Variants in ROBO2 observed in about 807,000 individuals in gnomAD.
The protein encoded by ROBO2 is roundabout homolog 2.
Under a neutral mutation model 160.8 loss-of-function variants are expected in ROBO2, and 53 were observed. The ratio of observed to expected loss-of-function variants is 0.33; its 90% confidence interval spans 0.26 to 0.41. The LOEUF (loss-of-function observed/expected upper bound fraction) is 0.41. Among genes scored for constraint, ROBO2 ranks in the 10% least tolerant of loss-of-function variants. The pLI, the probability that ROBO2 is intolerant of heterozygous loss-of-function variation, is 1.00. For synonymous variants in ROBO2, 664 were observed against 611.7 expected, an observed-to-expected ratio of 1.09 and a Z score of -1.26; for missense variants, 1,577 against 1,722.4, an observed-to-expected ratio of 0.92 and a Z score of 1.49.
chr3:76,223,961 C>T (rs932151916), intron 2 of ROBO2, among the ~76,000 whole-genome samples: 2 of 152,144 alleles, frequency 1.3e-5, no homozygotes, highest in Admixed American at 6.6e-5. Flanking sequence ...AAATATTTTG[C>T]ATATCTCTAA....
intron 2 of ROBO2, among the ~76,000 whole-genome samples, chr3:75,988,215 A>G (rs1168460625): frequency 6.6e-6 from 1 of 152,096 alleles, no homozygotes; most frequent in Non-Finnish European, 1.5e-5. Context: ...CTAACTAATT[A>G]TAGATCTATT....
intron 2 of ROBO2, among the ~76,000 whole-genome samples, chr3:77,351,611 T>A (rs1054344578): frequency 6.6e-6 from 1 of 152,010 alleles, no homozygotes; most frequent in Non-Finnish European, 1.5e-5. Flanking sequence ...AGTGGCAGAG[T>A]CATCTACGTT....
At chr3:76,380,252 G>C (rs966594295) in intron 2 of ROBO2, among the ~76,000 whole-genome samples, 1 of 152,016 alleles carries the variant, frequency 6.6e-6, no homozygotes, top group Non-Finnish European at 1.5e-5. Context: ...CTTGGCTATA[G>C]AAAGATTTGG....
At chr3:77,494,280 T>TA (rs942523865) in intron 5 of ROBO2, among the ~76,000 whole-genome samples, 4 of 152,232 alleles carry the variant, frequency 2.6e-5, no homozygotes, top group Admixed American at 1.3e-4. Context: ...TTCTTTTTTT[T>TA]AAAAAAAATT....
At chr3:76,112,685 A>G (rs1228532449) in intron 2 of ROBO2, among the ~76,000 whole-genome samples, 3 of 143,208 alleles carry the variant, frequency 2.1e-5, no homozygotes, top group Admixed American at 7.1e-5. Context: ...AATTCAAATC[A>G]GATTATTCTT....
At chr3:76,144,821 T>C (rs550091193) in intron 2 of ROBO2, among the ~76,000 whole-genome samples, 1 of 152,100 alleles carries the variant, frequency 6.6e-6, no homozygotes, top group East Asian at 1.9e-4. Context: ...TACATTTTCC[T>C]GAAAAGAGTT....
At chr3:76,279,040 G>T (rs796901191) in intron 2 of ROBO2, among the ~76,000 whole-genome samples, 2 of 151,650 alleles carry the variant, frequency 1.3e-5, no homozygotes, top group Non-Finnish European at 2.9e-5. Context: ...TAGTGTTATT[G>T]CAGCAAACAT....
intron 2 of ROBO2, among the ~76,000 whole-genome samples, chr3:77,364,507 G>A (rs1041082761): frequency 3.9e-5 from 6 of 152,044 alleles, no homozygotes; most frequent in South Asian, 4.2e-4. Flanking sequence ...CAACTGTAAC[G>A]GAAAGAGTCA....
chr3:76,044,277 T>C (rs750527235), intron 2 of ROBO2, among the ~76,000 whole-genome samples: 3 of 152,066 alleles, frequency 2.0e-5, no homozygotes, highest in Admixed American at 6.5e-5. Context: ...CATTCTTCCC[T>C]CAAACATCTG....
chr3:76,006,791 AT>A (rs769556847), intron 2 of ROBO2, among the ~76,000 whole-genome samples: 54 of 152,200 alleles, frequency 3.5e-4, no homozygotes, highest in Non-Finnish European at 6.9e-4. Context: ...CCTTTCTAAA[AT>A]TTATTTTTTT....
At chr3:76,685,872 A>C (rs1205675024) in intron 2 of ROBO2, among the ~76,000 whole-genome samples, 1 of 152,140 alleles carries the variant, frequency 6.6e-6, no homozygotes, top group Admixed American at 6.6e-5. Context: ...CATGACTTTA[A>C]TTAATTCATC....
At chr3:76,702,421 G>GA (rs950404743) in intron 2 of ROBO2, among the ~76,000 whole-genome samples, 5 of 151,830 alleles carry the variant, frequency 3.3e-5, no homozygotes, top group Admixed American at 6.6e-5. Flanking sequence ...AACATAGGGG[G>GA]AAAAATCAAT....
At chr3:76,462,898 C>A (rs17798930) in intron 2 of ROBO2, among the ~76,000 whole-genome samples, 1 of 152,080 alleles carries the variant, frequency 6.6e-6, no homozygotes, top group Admixed American at 6.6e-5. Flanking sequence ...CCCTTTGTCC[C>A]TCTTTGGGCA....
intron 2 of ROBO2, among the ~76,000 whole-genome samples, chr3:76,634,664 CCAAA>C (rs150782810): frequency 0.06 from 9,128 of 152,110 alleles, 371 homozygotes; most frequent in South Asian, 0.16. Context: ...GGCTCTATCT[CCAAA>C]CACAGTCACA....
intron 2 of ROBO2, among the ~76,000 whole-genome samples, chr3:77,235,438 T>C (rs561239070): frequency 1.0e-3 from 158 of 151,894 alleles, no homozygotes; most frequent in African/African-American, 3.6e-3. Flanking sequence ...CTGCAAGCTC[T>C]GCCTCCCGGG....
At chr3:76,353,162 C>T (rs1160936417) in intron 2 of ROBO2, among the ~76,000 whole-genome samples, 1 of 151,894 alleles carries the variant, frequency 6.6e-6, no homozygotes, top group Non-Finnish European at 1.5e-5. Context: ...TGCTTTGGAT[C>T]CCTGTTTCAC....
chr3:76,357,893 A>AATATAT (rs546122297), intron 2 of ROBO2, among the ~76,000 whole-genome samples: 4 of 148,334 alleles, frequency 2.7e-5, no homozygotes, highest in South Asian at 4.2e-4. Context: ...TAAACTTTAA[A>AATATAT]ATATATATAT....
In ROBO2 at chr3:77,206,760, T is replaced by G. The variant is rs545118890; in HGVS notation, c.388+108420T>G. Among the ~76,000 whole-genome samples, 14 of 152,326 alleles carry G rather than the reference T, an allele frequency of 9.2e-5. 1 individual carries two copies. The East Asian group carries it at 2.5e-3, about 27-fold the overall frequency. On this transcript the variant is annotated intron_variant, in intron 2 of 25. Coordinates refer to ENST00000461745, the Ensembl canonical transcript of ROBO2. ...AGTACTCTCATCAGAAAATAATTACTTGGCATTTTTAAGTTTTTGATGGAC... is the reference window on the plus strand; with the variant it reads ...AGTACTCTCATCAGAAAATAATTACGTGGCATTTTTAAGTTTTTGATGGAC...
intron 2 of ROBO2, among the ~76,000 whole-genome samples, chr3:77,224,392 C>T (rs754940234): frequency 6.6e-5 from 10 of 151,914 alleles, no homozygotes; most frequent in Non-Finnish European, 1.5e-4. Flanking sequence ...AGATATCTGG[C>T]TAATTTAAAA....
Sources: allele counts gnomAD v4.1 joint callset (sites outside exome capture counted in the v4.1 genomes callset), GRCh38; gene constraint gnomAD v4.1.1; transcripts MANE v1.5; gene names NCBI Gene and HGNC (gene_info 2026-07-23, HGNC 2026-07-21).